Variants in ZNF567 observed in about 807,000 individuals in gnomAD.
ZNF567 encodes the protein zinc finger protein 567.
A neutral mutation model predicts 53.9 loss-of-function variants in ZNF567; 36 were observed. The ratio of observed to expected loss-of-function variants is 0.67; its 90% CI spans 0.51 to 0.88. The LOEUF is 0.88. Ranked by LOEUF, ZNF567 falls within the 40% of genes least tolerant of loss-of-function variation. The pLI, the probability that ZNF567 is intolerant of heterozygous loss-of-function variation, is 0.00. For missense variants in ZNF567, 619 were observed against 764.7 expected (o/e 0.81, Z 2.25); for synonymous variants, 224 against 260.4 (o/e 0.86, Z 1.35).
At chr19:36,710,278 G>T in intron 3 of ZNF567, among the ~76,000 whole-genome samples, 1 of 121,088 alleles carries the variant, frequency 8.3e-6, no homozygotes, top group Non-Finnish European at 1.6e-5. Context: ...CTACTTTGAA[G>T]CCTTTTTTTT....
intron 5 of ZNF567, among the ~76,000 whole-genome samples, chr19:36,715,613 T>C (rs1324801678): frequency 6.6e-6 from 1 of 150,884 alleles, no homozygotes; most frequent in African/African-American, 2.4e-5. Context: ...CACCGCAACC[T>C]CCGGCTCCCA....
the ZNF567 span, among the ~76,000 whole-genome samples, chr19:36,677,001 C>CAA: frequency 6.6e-6 from 1 of 150,978 alleles, no homozygotes; most frequent in African/African-American, 2.4e-5. Flanking sequence ...ACTAAAAATA[C>CAA]AAAATTAGCT....
In ZNF567 at chr19:36,719,847, C is replaced by T. The variant is rs201557353; in HGVS notation, c.1123C>T (p.Arg375Cys). 89 of 1,612,858 alleles carry T rather than the reference C, an allele frequency of 5.5e-5. 1 individual carries two copies. Among genetic ancestry groups the T allele is most frequent in the Middle Eastern group, 1.6e-4 (1 of 6,070 alleles). Reference sequence around the variant, plus strand: ...GTGTAATGACTGTGGGAAGTCCTTCCGCCAGAAGACAACACTCTCTCTACA... The same window carrying T: ...GTGTAATGACTGTGGGAAGTCCTTCTGCCAGAAGACAACACTCTCTCTACA... Reference protein sequence around the residue: ...YECNDCGKSFRQKTTLSLHQR... With the variant: ...YECNDCGKSFCQKTTLSLHQR... The change falls in exon 6 of 6, where the codon CGC (arginine) becomes TGC (cysteine). Residue 375 changes from arginine (R) to cysteine (C), a missense_variant. Coordinates refer to ENST00000682579, the MANE Select transcript of ZNF567 (RefSeq NM_001322917.1).
Position 36,719,952 on chromosome 19 carries a change from G to A in ZNF567, c.1228G>A (p.Val410Ile), listed in dbSNP as rs141088196. The change falls in exon 6 of 6, where the codon GTA (valine) becomes ATA (isoleucine). Residue 410 changes from valine (V) to isoleucine (I), a missense_variant. Val to Ile is a conservative substitution (Grantham distance 29). Transcript: ENST00000682579. ...KSFHQKANLTVHQRTHTGEKP... is the reference protein window; with the variant it reads ...KSFHQKANLTIHQRTHTGEKP... ...CTTTCACCAGAAGGCAAATCTTACT[G>A]TACATCAGAGAACTCATACAGGGGA... 8 of 1,613,986 alleles carry A rather than the reference G, an allele frequency of 5.0e-6. No individual in the cohort carries two copies. Among genetic ancestry groups the A allele is most frequent in the Non-Finnish European group, 6.8e-6 (8 of 1,179,984 alleles).
the ZNF567 span, among the ~76,000 whole-genome samples, chr19:36,667,268 C>A: frequency 2.0e-5 from 3 of 151,822 alleles, no homozygotes; most frequent in African/African-American, 7.3e-5. Context: ...TTTGGCCGGG[C>A]GCGGTGGCTC....
At chr19:36,706,322 C>T (rs138461692) in intron 3 of ZNF567, among the ~76,000 whole-genome samples, 2 of 152,284 alleles carry the variant, frequency 1.3e-5, no homozygotes, top group East Asian at 3.9e-4. Context: ...GAGATAGGGC[C>T]TCGCTTTGTA....
At chr19:36,713,380 C>T (rs1005926836) in intron 5 of ZNF567, among the ~76,000 whole-genome samples, 2 of 151,900 alleles carry the variant, frequency 1.3e-5, no homozygotes, top group East Asian at 3.9e-4. Context: ...TCACTTGAGC[C>T]CAGGAAGTCA....
At chr19:36,722,650 C>T (rs941772646), downstream of ZNF567, among the ~76,000 whole-genome samples, 11 of 152,316 alleles carry the variant, frequency 7.2e-5, no homozygotes, top group East Asian at 2.1e-3. Flanking sequence ...TCTGCATAAA[C>T]AGAAAGATGG....
intron 3 of ZNF567, among the ~76,000 whole-genome samples, chr19:36,708,817 A>G (rs780177122): frequency 1.3e-4 from 20 of 151,996 alleles, no homozygotes; most frequent in African/African-American, 3.9e-4. Context: ...ATCTGTTCCT[A>G]CATTCTGTTG....
chr19:36,672,733 A>C, the ZNF567 span, among the ~76,000 whole-genome samples: 1 of 152,216 alleles, frequency 6.6e-6, no homozygotes, highest in African/African-American at 2.4e-5. Context: ...ACTGGAATAC[A>C]CACTTTAGAT....
chr19:36,694,909 G>A lies in ZNF567; in HGVS notation c.9+33G>A. The A allele has an allele frequency of 3.8e-6, 5 of 1,327,526 alleles. No individual in the cohort carries two copies. In the East Asian group the frequency reaches 1.1e-4, roughly 29 times the overall value. 82.2% of individuals were successfully genotyped at this position (1,327,526 alleles called of 1,614,324 possible). A position where few individuals can be genotyped will look rare whatever the true frequency, so the allele number is the denominator to read the frequency against. ...GATGGTTTCTCTCTCCTTTCTGAAA[G>A]TCTTTTTTTTTTTTTTTTTTAAGGA... is the stretch of plus-strand genomic sequence containing the variant. On this transcript the variant is annotated intron_variant, in intron 3 of 5. Transcript: ENST00000682579.
rs2039947581 is a variant in ZNF567 at position 36,714,471 on chromosome 19, T to C, written c.223+1604T>C. 4 of 398,382 alleles carry C rather than the reference T, an allele frequency of 1.0e-5. No individual in the cohort carries two copies. The Admixed American group carries it at 1.3e-4, about 13-fold the overall frequency. The allele number at this position is 398,382 out of a possible 1,614,324, so 24.7% of individuals were successfully genotyped here. A position where few individuals can be genotyped will look rare whatever the true frequency, so the allele number is the denominator to read the frequency against. On this transcript the variant is annotated intron_variant, in intron 5 of 5. Coordinates refer to ENST00000682579, the MANE Select transcript of ZNF567 (RefSeq NM_001322917.1). Reference sequence around the variant, plus strand: ...GCCACTGCACCTGGCACCATTGTAATAGATTTCTTTCAGGCTTTCTTCATC... The same window carrying C: ...GCCACTGCACCTGGCACCATTGTAACAGATTTCTTTCAGGCTTTCTTCATC...
downstream of ZNF567, among the ~76,000 whole-genome samples, chr19:36,723,900 T>C (rs1451623124): frequency 6.6e-6 from 1 of 151,928 alleles, no homozygotes; most frequent in Non-Finnish European, 1.5e-5. Context: ...CATCTTTCCA[T>C]AATCATGCTC....
chr19:36,707,292 T>C (rs1047800134), intron 3 of ZNF567, among the ~76,000 whole-genome samples: 1 of 152,210 alleles, frequency 6.6e-6, no homozygotes, highest in Admixed American at 6.5e-5. Context: ...AACCATTGCA[T>C]TTGAGCTAAG....
the ZNF567 span, among the ~76,000 whole-genome samples, chr19:36,678,720 T>C: frequency 6.6e-6 from 1 of 151,704 alleles, no homozygotes; most frequent in African/African-American, 2.4e-5. Context: ...GGTGGGTGCC[T>C]GTAGTCCCAG....
the ZNF567 span, among the ~76,000 whole-genome samples, chr19:36,674,608 G>C: frequency 6.6e-6 from 1 of 152,132 alleles, no homozygotes; most frequent in East Asian, 1.9e-4. Context: ...GCAAGTCCAA[G>C]GTAAGGTTTA....
rs1162522372 is a variant in ZNF567 at position 36,704,311 on chromosome 19, C to T, written c.10-8075C>T. On this transcript the variant is annotated intron_variant, in intron 3 of 5. Coordinates refer to ENST00000682579, the MANE Select transcript of ZNF567 (RefSeq NM_001322917.1). ...TGGTGGGCGCCTGTAATCCTAGTTG[C>T]TCAGGAGGCTGAGACAGGAGAATCG... 6.6e-5 allele frequency among the ~76,000 whole-genome samples: 10 copies of T among 152,104 alleles called. No homozygotes were observed. In the East Asian group the frequency reaches 1.9e-3, roughly 29 times the overall value.
At chr19:36,691,198 C>T (rs1234656870) in intron 2 of ZNF567, among the ~76,000 whole-genome samples, 1 of 151,978 alleles carries the variant, frequency 6.6e-6, no homozygotes, top group Non-Finnish European at 1.5e-5. Flanking sequence ...CCCTCCGTTG[C>T]CCAGGCTGGA....
At chr19:36,696,785 CT>C (rs1352377511) in intron 3 of ZNF567, among the ~76,000 whole-genome samples, 6 of 152,152 alleles carry the variant, frequency 3.9e-5, no homozygotes, top group South Asian at 2.1e-4. Flanking sequence ...GTTTTCTGTG[CT>C]TTTGTGTTTA....
Sources: allele counts gnomAD v4.1 joint callset (sites outside exome capture counted in the v4.1 genomes callset), GRCh38; gene constraint gnomAD v4.1.1; transcripts MANE v1.5; gene names NCBI Gene and HGNC (gene_info 2026-07-23, HGNC 2026-07-21).